The following PKP4 variants were observed in gnomAD, a reference collection of about 807,000 sequenced individuals.
The protein encoded by PKP4 is plakophilin 4.
In PKP4, 90 loss-of-function variants were observed where a neutral mutation model predicts 145.1. That is an observed-to-expected ratio of 0.62 (90% CI 0.52 to 0.74). The LOEUF (loss-of-function observed/expected upper bound fraction) is 0.74, where lower values mean the gene tolerates loss of function less well. PKP4 is among the 30% of genes least tolerant of loss of function. The pLI, the probability that PKP4 is intolerant of heterozygous loss-of-function variation, is 0.00. For missense variants in PKP4, 1,340 were observed against 1,482.7 expected, an observed-to-expected ratio of 0.90 and a Z score of 1.58; for synonymous variants, 563 against 577.2, an observed-to-expected ratio of 0.98 and a Z score of 0.35.
intron 1 of PKP4, among the ~76,000 whole-genome samples, chr2:158,502,115 T>C (rs771086581): frequency 2.6e-5 from 4 of 152,222 alleles, no homozygotes; most frequent in Non-Finnish European, 4.4e-5. Context: ...ATTGCATTCA[T>C]GCTGAAGAGT....
chr2:158,465,599 G>T (rs544257963), intron 1 of PKP4, among the ~76,000 whole-genome samples: 1 of 151,970 alleles, frequency 6.6e-6, no homozygotes, highest in Non-Finnish European at 1.5e-5. Flanking sequence ...TAATTTGTGT[G>T]CCTTTATAAG....
intron 1 of PKP4, among the ~76,000 whole-genome samples, chr2:158,486,455 G>A (rs769084353): frequency 1.1e-4 from 17 of 152,188 alleles, no homozygotes; most frequent in Admixed American, 6.5e-5. Context: ...GTAAAACTGA[G>A]TATTTAAAGG....
At chr2:158,517,918 A>G (rs1401641719) in intron 1 of PKP4, among the ~76,000 whole-genome samples, 1 of 152,184 alleles carries the variant, frequency 6.6e-6, no homozygotes, top group Non-Finnish European at 1.5e-5. Context: ...CCTGTCTCAA[A>G]AAAAAAACAA....
At chr2:158,545,034 C>T (rs1439177805) in intron 2 of PKP4, among the ~76,000 whole-genome samples, 1 of 146,036 alleles carries the variant, frequency 6.8e-6, no homozygotes, top group Non-Finnish European at 1.5e-5. Flanking sequence ...TTTTTGAGTC[C>T]AAAGTGTAAA....
intron 2 of PKP4, among the ~76,000 whole-genome samples, chr2:158,562,717 T>A (rs1269837415): frequency 6.6e-6 from 1 of 152,240 alleles, no homozygotes; most frequent in African/African-American, 2.4e-5. Flanking sequence ...ATCAAAATTA[T>A]GTATTACAAA....
At chr2:158,663,243 C>G in intron 14 of PKP4, 29 bp from the exon 15 acceptor site, 3 of 1,602,548 alleles carry the variant, frequency 1.9e-6, no homozygotes, top group Non-Finnish European at 2.6e-6. Flanking sequence ...CATTCTGCCT[C>G]CATTTAACGT....
chr2:158,529,204 C>G (rs1411484405), intron 1 of PKP4, among the ~76,000 whole-genome samples: 1 of 152,104 alleles, frequency 6.6e-6, no homozygotes, highest in Non-Finnish European at 1.5e-5. Context: ...ATTTTGATTC[C>G]AAATATAAAG....
intron 3 of PKP4, among the ~76,000 whole-genome samples, chr2:158,587,897 C>T (rs948354956): frequency 6.6e-6 from 1 of 151,170 alleles, no homozygotes; most frequent in Non-Finnish European, 1.5e-5. Flanking sequence ...TATATATTAA[C>T]ACCTGTGTAA....
chr2:158,482,847 G>A (rs1432858244), intron 1 of PKP4, among the ~76,000 whole-genome samples: 1 of 151,886 alleles, frequency 6.6e-6, no homozygotes, highest in Non-Finnish European at 1.5e-5. Context: ...AAAAGAGGGG[G>A]GAAGGGAGGA....
intron 1 of PKP4, among the ~76,000 whole-genome samples, chr2:158,496,844 T>C (rs1377402805): frequency 1.3e-5 from 2 of 151,698 alleles, no homozygotes; most frequent in Non-Finnish European, 2.9e-5. Flanking sequence ...TCCTCCTGGG[T>C]AGGTGGTTCT....
At chr2:158,549,545 A>G (rs973728808) in intron 2 of PKP4, among the ~76,000 whole-genome samples, 5 of 151,698 alleles carry the variant, frequency 3.3e-5, no homozygotes, top group Non-Finnish European at 7.4e-5. Context: ...TTGCTATTCC[A>G]CACACTAAGG....
At chr2:158,547,318 A>T (rs1199708517) in intron 2 of PKP4, among the ~76,000 whole-genome samples, 4 of 152,228 alleles carry the variant, frequency 2.6e-5, no homozygotes, top group Non-Finnish European at 4.4e-5. Flanking sequence ...TATTCATAAC[A>T]TACAACAAGA....
At chr2:158,473,255 C>A (rs971479777) in intron 1 of PKP4, among the ~76,000 whole-genome samples, 5 of 152,112 alleles carry the variant, frequency 3.3e-5, no homozygotes, top group African/African-American at 1.2e-4. Flanking sequence ...TATGGTGATT[C>A]CTCAAAGAGC....
In PKP4 at chr2:158,674,293, G is replaced by T. The variant is rs188906869; in HGVS notation, c.3127+293G>T. Among the ~76,000 whole-genome samples the T allele has an allele frequency of 2.0e-5, 3 of 152,318 alleles. No homozygotes were observed. The East Asian group carries it at 5.8e-4, about 29-fold the overall frequency. On this transcript the variant is annotated intron_variant, in intron 19 of 21. Transcript: ENST00000389759. ...ACCTGCAGTTGACAGACTGGACAGG[G>T]GATCGGGGTGCCTGAGAGTGGAGGG...
In PKP4 at chr2:158,640,769, A is replaced by C. The variant is rs372988518; in HGVS notation, c.1695+10A>C. 4 of 1,613,902 alleles carry C rather than the reference A, an allele frequency of 2.5e-6. No homozygotes were observed. The highest frequency in any genetic ancestry group is 3.4e-6 in the Non-Finnish European group (4 of 1,179,816). On this transcript the variant is annotated intron_variant, in intron 10 of 21. Coordinates refer to ENST00000389759, the MANE Select transcript of PKP4 (RefSeq NM_003628.6). ...CAAAGTGAAGATGGAGGTACAGGACATGGTGCCTGGGATGACTGGGGAAAA... is the reference window on the plus strand; with the variant it reads ...CAAAGTGAAGATGGAGGTACAGGACCTGGTGCCTGGGATGACTGGGGAAAA...
At chr2:158,603,016 A>G in intron 3 of PKP4, 54 bp from the exon 4 acceptor site, 1 of 1,146,862 alleles carries the variant, frequency 8.7e-7, no homozygotes. Context: ...GTCCTAAGCT[A>G]AATTTTATGA....
At chr2:158,609,138 G>A (rs936297919) in intron 4 of PKP4, among the ~76,000 whole-genome samples, 8 of 151,982 alleles carry the variant, frequency 5.3e-5, no homozygotes, top group Non-Finnish European at 1.2e-4. Flanking sequence ...TCTAGTAACT[G>A]TAGATGCTAT....
chr2:158,522,502 A>G (rs996090505), intron 1 of PKP4, among the ~76,000 whole-genome samples: 7 of 152,182 alleles, frequency 4.6e-5, no homozygotes, highest in East Asian at 3.8e-4. Context: ...TTTGTGTTCA[A>G]TAAAGATTGT....
chr2:158,621,468 G>A (rs557470610), intron 6 of PKP4, 47 bp downstream of exon 6: 21 of 1,508,588 alleles, frequency 1.4e-5, no homozygotes, highest in African/African-American at 5.5e-5. Context: ...CCTTCCGGCC[G>A]GGCACAGTGG....
Sources: allele counts gnomAD v4.1 joint callset (sites outside exome capture counted in the v4.1 genomes callset), GRCh38; gene constraint gnomAD v4.1.1; transcripts MANE v1.5; gene names NCBI Gene and HGNC (gene_info 2026-07-23, HGNC 2026-07-21).